NRXN1: variants seen among roughly 807,000 people sequenced by gnomAD.
NRXN1 encodes the protein neurexin 1, also known as neurexin-1.
Under a neutral mutation model 150.9 loss-of-function variants are expected in NRXN1, and 39 were observed. That is an observed-to-expected ratio of 0.26 (90% CI 0.20 to 0.34). The LOEUF is 0.34. Among genes scored for constraint, NRXN1 ranks in the 10% least tolerant of loss-of-function variants. The pLI is 1.00. For missense variants in NRXN1, 1,815 were observed against 1,949.9 expected (o/e 0.93, Z 1.30); for synonymous variants, 924 against 757.0 (o/e 1.22, Z -3.62).
chr2:50,206,973 CATA>C (rs1352438127), intron 18 of NRXN1, among the ~76,000 whole-genome samples: 1 of 151,534 alleles, frequency 6.6e-6, no homozygotes. Context: ...AATATCATGT[CATA>C]ATATTGAAAT....
chr2:50,643,755 T>C (rs1684399287), intron 5 of NRXN1, among the ~76,000 whole-genome samples: 2 of 151,938 alleles, frequency 1.3e-5, no homozygotes, highest in African/African-American at 4.8e-5. Context: ...ACATCCCTTG[T>C]CTGTTTCTGT....
intron 12 of NRXN1, among the ~76,000 whole-genome samples, chr2:50,510,589 G>A (rs897849483): frequency 6.7e-6 from 1 of 150,116 alleles, no homozygotes; most frequent in African/African-American, 2.5e-5. Flanking sequence ...CTTATGTTTT[G>A]TAGGGAGTTT....
intron 17 of NRXN1, among the ~76,000 whole-genome samples, chr2:50,404,864 A>T (rs531762113): frequency 4.6e-5 from 7 of 152,166 alleles, no homozygotes; most frequent in African/African-American, 1.2e-4. Context: ...GACTTGAGAG[A>T]GTAACAGGGT....
chr2:50,214,613 T>C (rs916476097), intron 18 of NRXN1, among the ~76,000 whole-genome samples: 3 of 152,020 alleles, frequency 2.0e-5, no homozygotes, highest in Non-Finnish European at 4.4e-5. Context: ...ATATAGTCTG[T>C]ATTCTAGCTA....
intron 19 of NRXN1, among the ~76,000 whole-genome samples, chr2:50,067,863 T>A (rs909578727): frequency 6.6e-6 from 1 of 152,194 alleles, no homozygotes; most frequent in African/African-American, 2.4e-5. Flanking sequence ...AAAACCTAAA[T>A]ATATATTTTT....
At chr2:50,291,035 T>C (rs571004116) in intron 17 of NRXN1, among the ~76,000 whole-genome samples, 3 of 151,598 alleles carry the variant, frequency 2.0e-5, no homozygotes, top group South Asian at 2.1e-4. Context: ...TCTAGAAAGA[T>C]AGCAGAGAAA....
At chr2:50,747,299 G>C (rs890660253) in intron 5 of NRXN1, among the ~76,000 whole-genome samples, 1 of 152,096 alleles carries the variant, frequency 6.6e-6, no homozygotes, top group South Asian at 2.1e-4. Context: ...TTCTTGACCC[G>C]TGAGACAGGA....
intron 22 of NRXN1, among the ~76,000 whole-genome samples, chr2:49,939,604 A>G (rs1263794358): frequency 6.6e-6 from 1 of 152,210 alleles, no homozygotes; most frequent in Non-Finnish European, 1.5e-5. Flanking sequence ...TAACATGCAC[A>G]GTTCCCATCA....
At position 51,029,082 on chromosome 2, in the gene NRXN1, CTCT is replaced by C. The variant is rs1161703716; in HGVS notation, c.-812_-810del. On this transcript the variant is annotated 5_prime_UTR_variant, in exon 2 of 23. Transcript: ENST00000401669. ...TTAGATGTGGAAATCGCAACAGCTCCTCTTCTTTTCTCTCTGCCTCTGCAGGGC... is the reference window on the plus strand; with the variant it reads ...TTAGATGTGGAAATCGCAACAGCTCCTCTTTTCTCTCTGCCTCTGCAGGGC... 2 of 152,250 alleles carry C rather than the reference CTCT, an allele frequency of 1.3e-5. No individual in the cohort carries two copies. Among genetic ancestry groups the C allele is most frequent in the African/African-American group, 2.4e-5 (1 of 41,462 alleles). The allele number at this position is 152,250 out of a possible 1,614,324, so 9.4% of individuals were successfully genotyped here.
At chr2:50,792,876 C>T (rs1007494403) in intron 5 of NRXN1, among the ~76,000 whole-genome samples, 3 of 151,944 alleles carry the variant, frequency 2.0e-5, no homozygotes, top group African/African-American at 7.2e-5. Flanking sequence ...AGTTAAGTGA[C>T]TTATCCAAAG....
chr2:50,420,416 TAC>T (rs142091102), intron 17 of NRXN1, among the ~76,000 whole-genome samples: 9,405 of 149,676 alleles, frequency 0.063, 311 homozygotes, highest in Middle Eastern at 0.076. Context: ...CACACACACA[TAC>T]ACACACACAC....
chr2:50,924,511 G>A (rs1686568833), intron 3 of NRXN1, among the ~76,000 whole-genome samples: 2 of 151,604 alleles, frequency 1.3e-5, no homozygotes, highest in Non-Finnish European at 1.5e-5. Flanking sequence ...ATAAGGAAAT[G>A]CAAAAGAAGT....
At chr2:50,456,614 T>G (rs2087585184) in intron 17 of NRXN1, among the ~76,000 whole-genome samples, 1 of 152,136 alleles carries the variant, frequency 6.6e-6, no homozygotes, top group African/African-American at 2.4e-5. Flanking sequence ...TTTTTCCTTA[T>G]GACTTGAATT....
intron 5 of NRXN1, among the ~76,000 whole-genome samples, chr2:50,734,005 C>A (rs940207707): frequency 1.3e-5 from 2 of 152,000 alleles, no homozygotes; most frequent in African/African-American, 4.8e-5. Flanking sequence ...TCTTAAAGTA[C>A]TTGAAGCCAG....
intron 17 of NRXN1, among the ~76,000 whole-genome samples, chr2:50,413,946 A>G (rs966932099): frequency 2.0e-5 from 3 of 149,946 alleles, no homozygotes; most frequent in Non-Finnish European, 4.4e-5. Flanking sequence ...CAAATATCAC[A>G]TGTTCTCACT....
rs938653596 is a variant in NRXN1, at chr2:50,386,114, A to G, written c.3364+79328T>C. ...TTTCCAATTTCTGTTTAATCATGCT[A>G]TAGTACTTTGATAAGAAAAATATAT... On this transcript the variant is annotated intron_variant, in intron 17 of 22. Coordinates refer to ENST00000401669, the MANE Select transcript of NRXN1 (RefSeq NM_001330078.2). Among the ~76,000 whole-genome samples, 11 of 152,166 alleles carry G rather than the reference A, an allele frequency of 7.2e-5. 1 individual carries two copies. In the South Asian group the frequency reaches 1.2e-3, roughly 17 times the overall value.
chr2:50,438,031 C>T (rs957833420), intron 17 of NRXN1, among the ~76,000 whole-genome samples: 1 of 152,154 alleles, frequency 6.6e-6, no homozygotes, highest in African/African-American at 2.4e-5. Context: ...GTTCTAAGTT[C>T]TACAGCCAGA....
intron 17 of NRXN1, among the ~76,000 whole-genome samples, chr2:50,275,336 T>A (rs1488791871): frequency 6.6e-6 from 1 of 152,180 alleles, no homozygotes; most frequent in Non-Finnish European, 1.5e-5. Flanking sequence ...CAATATAGAT[T>A]TGCAGATTGT....
intron 2 of NRXN1, among the ~76,000 whole-genome samples, chr2:50,997,263 A>G (rs890697872): frequency 3.9e-5 from 6 of 151,962 alleles, no homozygotes; most frequent in Admixed American, 1.3e-4. Flanking sequence ...GCAAAACCCC[A>G]TCTCTACAAA....
Sources: allele counts gnomAD v4.1 joint callset (sites outside exome capture counted in the v4.1 genomes callset), GRCh38; gene constraint gnomAD v4.1.1; transcripts MANE v1.5; gene names NCBI Gene and HGNC (gene_info 2026-07-23, HGNC 2026-07-21).